LRMDA: variants seen among roughly 807,000 people sequenced by gnomAD.
LRMDA encodes leucine-rich melanocyte differentiation-associated protein.
A neutral mutation model predicts 29.8 loss-of-function variants in LRMDA; 18 were observed. That is an observed-to-expected ratio of 0.60 (90% CI 0.42 to 0.90). The LOEUF is 0.90. LRMDA is among the 40% of genes least tolerant of loss of function. The pLI is 0.00. For synonymous variants in LRMDA, 125 were observed against 109.4 expected (o/e 1.14, Z -0.89); for missense variants, 273 against 273.9 (o/e 1.00, Z 0.02).
intron 2 of LRMDA, among the ~76,000 whole-genome samples, chr10:75,998,753 A>C (rs1235582079): frequency 6.6e-6 from 1 of 152,218 alleles, no homozygotes; most frequent in African/African-American, 2.4e-5. Context: ...CTTGCCTTAC[A>C]TTGTACTTGG....
chr10:75,545,561 AT>A (rs1186278092), intron 2 of LRMDA, among the ~76,000 whole-genome samples: 1 of 152,202 alleles, frequency 6.6e-6, no homozygotes, highest in Non-Finnish European at 1.5e-5. Flanking sequence ...CTTAGTTAAT[AT>A]ATGACAACTA....
chr10:75,860,311 G>GTT (rs56875392), intron 2 of LRMDA, among the ~76,000 whole-genome samples: 18 of 69,304 alleles, frequency 2.6e-4, no homozygotes, highest in Admixed American at 5.5e-4. Context: ...GATGTTTCTG[G>GTT]TTTTTTTTTT....
chr10:76,541,767 G>A (rs903645324), intron 6 of LRMDA, among the ~76,000 whole-genome samples: 14 of 152,148 alleles, frequency 9.2e-5, no homozygotes, highest in South Asian at 4.2e-4. Context: ...AGTTTAAAAC[G>A]AGCTCTGTAA....
intron 2 of LRMDA, among the ~76,000 whole-genome samples, chr10:75,936,245 T>A (rs1589259066): frequency 6.6e-6 from 1 of 151,846 alleles, no homozygotes; most frequent in Admixed American, 6.6e-5. Flanking sequence ...GGGAGGGAGG[T>A]GACCTGGGAA....
At chr10:76,352,685 A>G (rs1441170354) in intron 6 of LRMDA, among the ~76,000 whole-genome samples, 2 of 152,144 alleles carry the variant, frequency 1.3e-5, no homozygotes, top group Admixed American at 6.5e-5. Flanking sequence ...AGGAGGGACT[A>G]CTGTATACAT....
At chr10:76,125,349 A>T (rs1014953278) in intron 5 of LRMDA, among the ~76,000 whole-genome samples, 7 of 152,214 alleles carry the variant, frequency 4.6e-5, no homozygotes, top group African/African-American at 1.7e-4. Flanking sequence ...TTCCAAAATT[A>T]TCCACAACAC....
chr10:75,656,337 G>C (rs1298748682), intron 2 of LRMDA, among the ~76,000 whole-genome samples: 2 of 152,152 alleles, frequency 1.3e-5, no homozygotes, highest in Admixed American at 1.3e-4. Context: ...ACCCCTCTGT[G>C]CCTTAGTTTC....
At chr10:75,639,261 G>A (rs757297001) in intron 2 of LRMDA, among the ~76,000 whole-genome samples, 10 of 152,124 alleles carry the variant, frequency 6.6e-5, no homozygotes, top group Non-Finnish European at 2.9e-5. Flanking sequence ...TTTTGGTTGG[G>A]TCAGACTTTC....
At chr10:76,044,439 G>GC (rs1432002651) in intron 3 of LRMDA, among the ~76,000 whole-genome samples, 1 of 137,020 alleles carries the variant, frequency 7.3e-6, no homozygotes, top group Non-Finnish European at 1.6e-5. Context: ...TTTTTTCTTT[G>GC]TTTTTTTTTT....
intron 2 of LRMDA, among the ~76,000 whole-genome samples, chr10:75,865,111 T>C (rs1411292843): frequency 6.6e-6 from 1 of 152,240 alleles, no homozygotes; most frequent in Non-Finnish European, 1.5e-5. Context: ...AAATTTTGCA[T>C]AGCTAAGTTT....
intron 6 of LRMDA, among the ~76,000 whole-genome samples, chr10:76,493,118 C>T (rs1672303414): frequency 6.6e-6 from 1 of 152,020 alleles, no homozygotes; most frequent in South Asian, 2.1e-4. Context: ...CAGATGGGTC[C>T]AGAGATGCCA....
At chr10:75,472,031 C>T (rs930141386) in intron 2 of LRMDA, among the ~76,000 whole-genome samples, 1 of 152,186 alleles carries the variant, frequency 6.6e-6, no homozygotes, top group African/African-American at 2.4e-5. Flanking sequence ...TCTGCCAGGT[C>T]TCTTTTTACC....
At chr10:76,017,914 C>T (rs959116924) in intron 2 of LRMDA, among the ~76,000 whole-genome samples, 6 of 152,158 alleles carry the variant, frequency 3.9e-5, no homozygotes, top group African/African-American at 1.4e-4. Flanking sequence ...TTTCTAGTGA[C>T]GTTGGAGAAG....
At chr10:75,645,078 G>A (rs952400451) in intron 2 of LRMDA, among the ~76,000 whole-genome samples, 3 of 151,796 alleles carry the variant, frequency 2.0e-5, no homozygotes, top group African/African-American at 7.3e-5. Flanking sequence ...CGCCTCTTGG[G>A]CTCAAGCGAT....
intron 5 of LRMDA, among the ~76,000 whole-genome samples, chr10:76,140,633 C>A (rs1850181399): frequency 6.6e-6 from 1 of 152,108 alleles, no homozygotes; most frequent in African/African-American, 2.4e-5. Flanking sequence ...ATCTTAGAAG[C>A]AGCTTCAGAA....
intron 2 of LRMDA, among the ~76,000 whole-genome samples, chr10:75,717,208 TG>T (rs1485586794): frequency 1.3e-5 from 2 of 152,176 alleles, no homozygotes; most frequent in Non-Finnish European, 2.9e-5. Context: ...GCTGAAGCCT[TG>T]GGGAGTCCCC....
intron 5 of LRMDA, among the ~76,000 whole-genome samples, chr10:76,181,855 A>G (rs974702468): frequency 1.3e-5 from 2 of 152,224 alleles, no homozygotes; most frequent in Non-Finnish European, 2.9e-5. Flanking sequence ...AATTGAGAAC[A>G]TAATTTAGCT....
chr10:75,559,792 C>A (rs1478991619), intron 2 of LRMDA, among the ~76,000 whole-genome samples: 1 of 90,004 alleles, frequency 1.1e-5, no homozygotes, highest in African/African-American at 2.7e-5. Context: ...AATAGGGAAT[C>A]GTTTCCCCAT....
rs1414015749 is a variant in LRMDA at position 76,495,827 on chromosome 10, A to ATGGGC, written c.602-61382_602-61381insTGGGC. 1.5e-3 allele frequency among the ~76,000 whole-genome samples: 32 copies of ATGGGC among 21,594 alleles called. 1 individual carries two copies. Among genetic ancestry groups the ATGGGC allele is most frequent in the Non-Finnish European group, 5.6e-3 (15 of 2,658 alleles). The allele number at this position is 21,594 out of a possible 152,430, so 14.2% of individuals were successfully genotyped here. A position where few individuals can be genotyped will look rare whatever the true frequency, so the allele number is the denominator to read the frequency against. On this transcript the variant is annotated intron_variant, in intron 6 of 6. Coordinates refer to ENST00000611255, the MANE Select transcript of LRMDA (RefSeq NM_001305581.2). ...CCACCTGTCCATTTTCAGTATATAG[A>ATGGGC]AAATGCAATTGATTTGTTTGTATTA...
Sources: gnomAD v4.1 joint callset for allele counts (sites outside exome capture counted in the v4.1 genomes callset) on GRCh38, gnomAD v4.1.1 for gene constraint, MANE v1.5 for transcripts, NCBI Gene and HGNC (gene_info 2026-07-23, HGNC 2026-07-21) for gene names.